Variants in TRPV2 observed in about 807,000 individuals in gnomAD.
The protein encoded by TRPV2 is transient receptor potential cation channel subfamily V member 2.
TRPV2 carries 58 observed loss-of-function variants against 91.0 expected under a neutral mutation model. The ratio of observed to expected loss-of-function variants is 0.64; its 90% CI spans 0.52 to 0.79. The LOEUF (loss-of-function observed/expected upper bound fraction) is 0.79, where lower values mean the gene tolerates loss of function less well. TRPV2 is among the 30% of genes least tolerant of loss of function. The pLI is 0.00. For synonymous variants in TRPV2, 417 were observed against 414.8 expected (o/e 1.01, Z -0.06); for missense variants, 807 against 969.6 (o/e 0.83, Z 2.23).
chr17:16,417,280 CAG>C (rs962347640), intron 1 of TRPV2, among the ~76,000 whole-genome samples: 12 of 135,972 alleles, frequency 8.8e-5, no homozygotes, highest in African/African-American at 2.6e-4. Flanking sequence ...TTTTTTGAGA[CAG>C]AGTCTTGCTC....
At chr17:16,418,202 G>A (rs2093340580) in intron 2 of TRPV2, among the ~76,000 whole-genome samples, 1 of 152,092 alleles carries the variant, frequency 6.6e-6, no homozygotes, top group Non-Finnish European at 1.5e-5. Flanking sequence ...GTTGGGGAAG[G>A]CAGCAGGATC....
intron 3 of TRPV2, 34 bp from the exon 4 acceptor site, chr17:16,422,565 C>G (rs374034188): frequency 7.5e-6 from 12 of 1,595,864 alleles, no homozygotes; most frequent in Non-Finnish European, 9.4e-6. Flanking sequence ...GGTCTCAGCA[C>G]CACTGTGCCC....
In TRPV2 at chr17:16,423,407, A is replaced by C. The variant is rs994086066; in HGVS notation, c.626-62A>C. The C allele has an allele frequency of 2.0e-6, 3 of 1,532,526 alleles. No homozygotes were observed. The African/African-American group carries it at 4.1e-5, about 21-fold the overall frequency. 94.9% of individuals were successfully genotyped at this position (1,532,526 alleles called of 1,614,324 possible). A position where few individuals can be genotyped will look rare whatever the true frequency, so the allele number is the denominator to read the frequency against. On this transcript the variant is annotated intron_variant, in intron 4 of 14. Coordinates refer to ENST00000338560, the MANE Select transcript of TRPV2 (RefSeq NM_016113.5). ...AGGGCTGGCCTTTTGTCCAAGGAGC[A>C]TGAGGAGTAGGCAGATGGAAAGCAG... is the stretch of plus-strand genomic sequence containing the variant.
rs547170625 is a variant in TRPV2 at position 16,435,599 on chromosome 17, G to A, written c.2194+630G>A. On this transcript the variant is annotated intron_variant, in intron 14 of 14. Transcript: ENST00000338560. The surrounding 1 kb of genome is among the most constrained non-coding windows in gnomAD (Gnocchi z 4.2). ...CCCACCCTCAGAGGCCTGTTCTGAG[G>A]ATTAGCTGTCCCCACTGCATACCCT... is the stretch of plus-strand genomic sequence containing the variant. 8.5e-5 allele frequency among the ~76,000 whole-genome samples: 13 copies of A among 152,090 alleles called. 1 individual carries two copies. Among genetic ancestry groups the A allele is most frequent in the African/African-American group, 3.1e-4 (13 of 41,478 alleles).
chr17:16,430,487 C>CTTTTTTT lies in TRPV2; in HGVS notation c.1588-1287_1588-1281dup, dbSNP rs576176898. On this transcript the variant is annotated intron_variant, in intron 10 of 14. Transcript: ENST00000338560. ...TGTAGCATGTGTCAGAAATGCCTTC[C>CTTTTTTT]TTTTTTTTTTTTTTTTGAGATGGAG... 6.2e-5 allele frequency among the ~76,000 whole-genome samples: 5 copies of CTTTTTTT among 80,478 alleles called. 1 individual carries two copies. Among genetic ancestry groups the CTTTTTTT allele is most frequent in the Non-Finnish European group, 1.1e-4 (3 of 26,780 alleles). The allele number at this position is 80,478 out of a possible 152,430, so 52.8% of individuals were successfully genotyped here.
intron 5 of TRPV2, among the ~76,000 whole-genome samples, chr17:16,424,020 G>A (rs1226948460): frequency 6.6e-6 from 1 of 151,412 alleles, no homozygotes; most frequent in South Asian, 2.1e-4. Flanking sequence ...ACGGTGTTTC[G>A]CTCTTGTTGC....
rs1194312683 is a variant in TRPV2, at chr17:16,433,573, G to C, written c.1990-1G>C. Reference sequence around the variant, plus strand: ...CTGTCTGATGCATCCTTTGTCCCCAGAAAGCCATCTCTGTCCTGGAGATGG... The same window carrying C: ...CTGTCTGATGCATCCTTTGTCCCCACAAAGCCATCTCTGTCCTGGAGATGG... On this transcript the variant is annotated splice_acceptor_variant, in intron 12 of 14. Transcript: ENST00000338560. LOFTEE classifies it high-confidence loss of function. 6.2e-7 allele frequency: 1 copy of C among 1,613,988 alleles called. No individual in the cohort carries two copies. Among genetic ancestry groups the C allele is most frequent in the Non-Finnish European group, 8.5e-7 (1 of 1,179,982 alleles).
Position 16,436,908 on chromosome 17 carries a change from A to G in TRPV2, c.*19A>G. 2 of 1,595,104 alleles carry G rather than the reference A, an allele frequency of 1.3e-6. No individual in the cohort carries two copies. Among genetic ancestry groups the G allele is most frequent in the Non-Finnish European group, 1.7e-6 (2 of 1,162,652 alleles). ...CAACTGATGGCCCAGATGCAGCAGG[A>G]GGCCAGAGGACAGAGCAGAGGATCT... On this transcript the variant is annotated 3_prime_UTR_variant, in exon 15 of 15. Transcript: ENST00000338560.
At position 16,426,843 on chromosome 17, in the gene TRPV2, C is replaced by G. The variant is rs747436561; in HGVS notation, c.1217C>G (p.Thr406Ser). Residue 406 changes from threonine to serine, a missense_variant, in exon 7 of 15, where the codon ACC (threonine) becomes AGC (serine). By Grantham distance (58) the Thr-to-Ser change is moderately conservative (BLOSUM62 1). Coordinates refer to ENST00000338560, the MANE Select transcript of TRPV2 (RefSeq NM_016113.5). This position sits in a 1 kb window ranked among gnomAD's most constrained non-coding sequence, Gnocchi z 6.0. ...AATCTGATCTACATGTTCATCTTCA[C>G]CGCTGTTGCCTACCATCAGCCTACC... is the stretch of plus-strand genomic sequence containing the variant. ...LCNLIYMFIF[T>S]AVAYHQPTLK... 2.5e-6 allele frequency: 4 copies of G among 1,613,788 alleles called. No homozygotes were observed. Among genetic ancestry groups the G allele is most frequent in the Non-Finnish European group, 2.5e-6 (3 of 1,179,906 alleles).
rs754178626 is a variant in TRPV2 at position 16,428,343 on chromosome 17, G to A, written c.1377G>A (p.Val459=). 69 of 1,614,106 alleles carry A rather than the reference G, an allele frequency of 4.3e-5. No homozygotes were observed. Among genetic ancestry groups the A allele is most frequent in the Non-Finnish European group, 5.6e-5 (66 of 1,180,044 alleles). ...GQLWYFWRRH[V]FIWISFIDSY... ...TGTGGTACTTCTGGCGGCGCCACGT[G>A]TTCATCTGGATCTCGTTCATAGACA... is the stretch of plus-strand genomic sequence containing the variant. The change falls in exon 9 of 15, where the codon GTG becomes GTA. Residue 459 remains valine (V), a synonymous_variant. Coordinates refer to ENST00000338560, the MANE Select transcript of TRPV2 (RefSeq NM_016113.5).
At chr17:16,436,316 G>A (rs1213417929) in intron 14 of TRPV2, among the ~76,000 whole-genome samples, 1 of 152,216 alleles carries the variant, frequency 6.6e-6, no homozygotes, top group Non-Finnish European at 1.5e-5. Context: ...TCAGAATGGA[G>A]GTCAGGGCCC....
rs116906002 is a variant in TRPV2, at chr17:16,424,706, T to C, written c.924+939T>C. Among the ~76,000 whole-genome samples the C allele has an allele frequency of 3.8e-3, 578 of 152,266 alleles. 4 individuals are homozygous for C. The highest frequency in any genetic ancestry group is 0.014 in the Middle Eastern group (4 of 294). ...TTCTGCATATTTATTGATAACTTTA[T>C]AATGAATTTAGTATTTTGTCTACCA... On this transcript the variant is annotated intron_variant, in intron 5 of 14. Transcript: ENST00000338560.
intron 2 of TRPV2, 53 bp from the exon 3 acceptor site, chr17:16,420,062 G>T: frequency 1.9e-6 from 3 of 1,586,324 alleles, no homozygotes; most frequent in East Asian, 2.2e-5. Context: ...GAGGGCTTTT[G>T]GGGGGGCCTG....
At chr17:16,434,668 C>T (rs2093427955) in intron 13 of TRPV2, 3 of 497,780 alleles carry the variant, frequency 6.0e-6, no homozygotes, top group South Asian at 5.9e-5. Flanking sequence ...CAGCCAGAAG[C>T]GATGGATGCT....
chr17:16,435,309 G>A lies in TRPV2; in HGVS notation c.2194+340G>A, dbSNP rs2093430615. Among the ~76,000 whole-genome samples the A allele has an allele frequency of 6.6e-6, 1 of 152,124 alleles. No individual in the cohort carries two copies. Among genetic ancestry groups the A allele is most frequent in the South Asian group, 2.1e-4 (1 of 4,820 alleles). ...CGAGGGTCTGTCCCCAGCCAGGCCT[G>A]GGCTGAGCCTGGGGACTCAGCAGGG... is the stretch of plus-strand genomic sequence containing the variant. On this transcript the variant is annotated intron_variant, in intron 14 of 14. Transcript: ENST00000338560. The surrounding 1 kb of genome is among the most constrained non-coding windows in gnomAD (Gnocchi z 4.2).
At chr17:16,425,687 T>C (rs1279260924) in intron 5 of TRPV2, among the ~76,000 whole-genome samples, 1 of 152,194 alleles carries the variant, frequency 6.6e-6, no homozygotes, top group East Asian at 1.9e-4. Context: ...GAAACCAGAC[T>C]GCTTCCTAAC....
Position 16,423,757 on chromosome 17 carries a change from G to A in TRPV2, c.914G>A (p.Gly305Asp). The A allele has an allele frequency of 6.3e-7, 1 of 1,578,180 alleles. No homozygotes were observed. The highest frequency in any genetic ancestry group is 8.6e-7 in the Non-Finnish European group (1 of 1,158,214). Reference protein sequence around the residue: ...LTPLKLAAKEGKIEIFRHILQ... With the variant: ...LTPLKLAAKEDKIEIFRHILQ... Reference sequence around the variant, plus strand: ...CCTCTGAAGCTGGCCGCCAAGGAGGGCAAGATCGAGGTGAGCGGCTGTCCC... The same window carrying A: ...CCTCTGAAGCTGGCCGCCAAGGAGGACAAGATCGAGGTGAGCGGCTGTCCC... Residue 305 changes from glycine (G) to aspartate (D), a missense_variant, in exon 5 of 15, where the codon GGC becomes GAC. Gly to Asp is a moderately conservative substitution (Grantham distance 94). Coordinates refer to ENST00000338560, the MANE Select transcript of TRPV2 (RefSeq NM_016113.5).
chr17:16,430,662 T>C (rs1244611193), intron 10 of TRPV2, among the ~76,000 whole-genome samples: 1 of 152,094 alleles, frequency 6.6e-6, no homozygotes, highest in African/African-American at 2.4e-5. Flanking sequence ...ATTTTTTTTA[T>C]TTTTAGTAGA....
chr17:16,428,330 G>A lies in TRPV2; in HGVS notation c.1364G>A (p.Trp455Ter), dbSNP rs143319709. The change falls in exon 9 of 15, where the codon TGG (tryptophan) becomes TAG (stop). Residue 455 changes from tryptophan (W) to a stop codon, truncating the protein, a stop_gained. Coordinates refer to ENST00000338560, the MANE Select transcript of TRPV2 (RefSeq NM_016113.5). LOFTEE classifies it high-confidence loss of function. Reference protein sequence around the residue: ...YLLVGQLWYFWRRHVFIWISF... With the variant: ...YLLVGQLWYF ...CTTCCTCCGCAGCTGTGGTACTTCT[G>A]GCGGCGCCACGTGTTCATCTGGATC... 6.2e-7 allele frequency: 1 copy of A among 1,614,196 alleles called. No individual in the cohort carries two copies. Among genetic ancestry groups the A allele is most frequent in the South Asian group, 1.1e-5 (1 of 91,086 alleles).
Sources: gnomAD v4.1 joint callset for allele counts (sites outside exome capture counted in the v4.1 genomes callset) on GRCh38, gnomAD v4.1.1 for gene constraint, Gnocchi (gnomAD v3.1) non-coding constraint, MANE v1.5 for transcripts, NCBI Gene and HGNC (gene_info 2026-07-23, HGNC 2026-07-21) for gene names.